Variants in SPOCK1 observed in about 807,000 individuals in gnomAD.
SPOCK1 encodes the protein SPARC (osteonectin), cwcv and kazal like domains proteoglycan 1.
SPOCK1 carries 23 observed loss-of-function variants against 55.3 expected under a neutral mutation model. The observed-to-expected ratio is 0.42, with a 90% CI of 0.30 to 0.59. SPOCK1 has a LOEUF of 0.59. Among genes scored for constraint, SPOCK1 ranks in the 20% least tolerant of loss-of-function variants. The pLI, the probability that SPOCK1 is intolerant of heterozygous loss-of-function variation, is 0.22. For missense variants in SPOCK1, 499 were observed against 552.5 expected, an observed-to-expected ratio of 0.90 and a Z score of 0.97; for synonymous variants, 226 against 221.0, an observed-to-expected ratio of 1.02 and a Z score of -0.20.
At chr5:137,282,586 A>G (rs2127126002) in intron 2 of SPOCK1, among the ~76,000 whole-genome samples, 2 of 152,356 alleles carry the variant, frequency 1.3e-5, no homozygotes, top group South Asian at 4.1e-4. Context: ...GTGATAAAGC[A>G]AACAGAAATG....
chr5:137,497,528 G>A (rs1383747530), intron 2 of SPOCK1, among the ~76,000 whole-genome samples: 1 of 152,180 alleles, frequency 6.6e-6, no homozygotes, highest in Non-Finnish European at 1.5e-5. Flanking sequence ...GCTGGCAGAC[G>A]CTCCCACAGA....
chr5:137,390,786 G>A (rs757977925), intron 2 of SPOCK1, among the ~76,000 whole-genome samples: 6 of 152,234 alleles, frequency 3.9e-5, no homozygotes, highest in Admixed American at 6.5e-5. Flanking sequence ...GTTCAGGAAA[G>A]AAGCCAGAGG....
chr5:137,051,386 A>G (rs1177023362), intron 6 of SPOCK1, among the ~76,000 whole-genome samples: 1 of 152,236 alleles, frequency 6.6e-6, no homozygotes, highest in African/African-American at 2.4e-5. Context: ...GTATTGGCTT[A>G]CTGTAGAAAT....
At chr5:137,185,452 G>C (rs1393529920) in intron 3 of SPOCK1, among the ~76,000 whole-genome samples, 1 of 152,172 alleles carries the variant, frequency 6.6e-6, no homozygotes, top group African/African-American at 2.4e-5. Context: ...CTTGGTTCTA[G>C]CACCAAAGGA....
rs114058095 is a variant in SPOCK1 at position 137,235,260 on chromosome 5, C to A, written c.232+31750G>T. Among the ~76,000 whole-genome samples, 287 of 152,288 alleles carry A rather than the reference C, an allele frequency of 1.9e-3. 4 individuals carry two copies. Among genetic ancestry groups the A allele is most frequent in the African/African-American group, 6.8e-3 (282 of 41,570 alleles). ...CCAAGTCCTCTGACCTGTTGGATGG[C>A]AAGTGTAAACCTTCAGAGGGAGTGT... On this transcript the variant is annotated intron_variant, in intron 3 of 10. Transcript: ENST00000394945.
intron 6 of SPOCK1, among the ~76,000 whole-genome samples, chr5:137,004,049 A>AT (rs1412373501): frequency 3.9e-5 from 6 of 152,114 alleles, no homozygotes; most frequent in African/African-American, 1.2e-4. Context: ...GGATGGTGCC[A>AT]TGGGGATATG....
chr5:137,249,556 A>G (rs1300195411), intron 3 of SPOCK1, among the ~76,000 whole-genome samples: 1 of 152,244 alleles, frequency 6.6e-6, no homozygotes. Flanking sequence ...GGATGCAAAA[A>G]GGCTATTAAG....
At chr5:137,215,174 A>G (rs975566891) in intron 3 of SPOCK1, among the ~76,000 whole-genome samples, 4 of 152,252 alleles carry the variant, frequency 2.6e-5, no homozygotes, top group African/African-American at 9.6e-5. Context: ...AGGTTTTCAC[A>G]TCTAAGACAT....
chr5:137,036,360 C>T lies in SPOCK1; in HGVS notation c.589+31355G>A, dbSNP rs564360547. ...AGGTAAGGAATAGTCAATGGCAAGACATATGAAGACTTCTCTTCCATCCAG... is the reference window on the plus strand; with the variant it reads ...AGGTAAGGAATAGTCAATGGCAAGATATATGAAGACTTCTCTTCCATCCAG... On this transcript the variant is annotated intron_variant, in intron 6 of 10. Transcript: ENST00000394945. 3.3e-5 allele frequency among the ~76,000 whole-genome samples: 5 copies of T among 152,048 alleles called. No homozygotes were observed. The South Asian group carries it at 1.0e-3, about 32-fold the overall frequency.
intron 2 of SPOCK1, among the ~76,000 whole-genome samples, chr5:137,466,441 T>C (rs1262632617): frequency 2.0e-5 from 3 of 152,224 alleles, no homozygotes; most frequent in East Asian, 1.9e-4. Context: ...CTTACTTGCA[T>C]TGAGTCCTGG....
chr5:137,136,680 C>T (rs1753991297), intron 4 of SPOCK1, among the ~76,000 whole-genome samples: 1 of 152,094 alleles, frequency 6.6e-6, no homozygotes, highest in East Asian at 1.9e-4. Context: ...ACTATCATTA[C>T]ACCAAACTAA....
At chr5:137,343,079 A>T (rs376943046) in intron 2 of SPOCK1, among the ~76,000 whole-genome samples, 21 of 152,230 alleles carry the variant, frequency 1.4e-4, no homozygotes, top group African/African-American at 4.8e-4. Flanking sequence ...ACTGTCTTTG[A>T]GCAGAAGGCC....
chr5:137,012,103 C>T (rs1751361516), intron 6 of SPOCK1, among the ~76,000 whole-genome samples: 1 of 152,186 alleles, frequency 6.6e-6, no homozygotes, highest in East Asian at 1.9e-4. Context: ...GACAGGCACT[C>T]TACACCCAAA....
rs1753832845 is a variant in SPOCK1, at chr5:137,476,092, A to T, written c.186+22281T>A. On this transcript the variant is annotated intron_variant, in intron 2 of 10. Transcript: ENST00000394945. Reference sequence around the variant, plus strand: ...ACATGTACAGGTTTGTCATATAGGTAAACTCATGTCATGGGGGTTTTTTGT... The same window carrying T: ...ACATGTACAGGTTTGTCATATAGGTTAACTCATGTCATGGGGGTTTTTTGT... 2.0e-5 allele frequency among the ~76,000 whole-genome samples: 3 copies of T among 151,896 alleles called. No homozygotes were observed. In the South Asian group the frequency reaches 6.2e-4, roughly 31 times the overall value.
At chr5:137,429,874 T>C (rs1046929226) in intron 2 of SPOCK1, among the ~76,000 whole-genome samples, 3 of 152,240 alleles carry the variant, frequency 2.0e-5, no homozygotes, top group Non-Finnish European at 4.4e-5. Context: ...TACAACACTA[T>C]GGCAGAAATT....
chr5:137,422,767 A>G (rs1752529299), intron 2 of SPOCK1, among the ~76,000 whole-genome samples: 2 of 152,202 alleles, frequency 1.3e-5, no homozygotes, highest in Non-Finnish European at 2.9e-5. Flanking sequence ...GATCGTCTGA[A>G]GCCTTCTTCT....
chr5:137,329,850 T>G (rs140173352), intron 2 of SPOCK1, among the ~76,000 whole-genome samples: 1 of 152,262 alleles, frequency 6.6e-6, no homozygotes, highest in Non-Finnish European at 1.5e-5. Context: ...TAGGTAAGGA[T>G]CTGAAAGAGA....
intron 3 of SPOCK1, among the ~76,000 whole-genome samples, chr5:137,262,379 C>A (rs924113381): frequency 1.3e-5 from 2 of 152,188 alleles, no homozygotes; most frequent in African/African-American, 4.8e-5. Context: ...CTGCATAAGG[C>A]CAAGGCATAG....
chr5:137,095,833 A>G (rs933768878), intron 5 of SPOCK1, among the ~76,000 whole-genome samples: 2 of 152,272 alleles, frequency 1.3e-5, no homozygotes, highest in Non-Finnish European at 2.9e-5. Flanking sequence ...GGTCAAAAAT[A>G]TGACAGCTAC....
Sources: allele counts gnomAD v4.1 joint callset (sites outside exome capture counted in the v4.1 genomes callset), GRCh38; gene constraint gnomAD v4.1.1; transcripts MANE v1.5; gene names NCBI Gene and HGNC (gene_info 2026-07-23, HGNC 2026-07-21).